The following GPC5 variants were observed in gnomAD, a reference collection of about 807,000 sequenced individuals.
The protein encoded by GPC5 is glypican 5.
Under a neutral mutation model 53.9 loss-of-function variants are expected in GPC5, and 47 were observed. The observed-to-expected ratio is 0.87, with a 90% CI of 0.69 to 1.11. The LOEUF is 1.11. Among genes scored for constraint, GPC5 ranks in the 50% most tolerant of loss-of-function variants. The pLI, the probability that GPC5 is intolerant of heterozygous loss-of-function variation, is 0.00. For synonymous variants in GPC5, 286 were observed against 263.3 expected, an observed-to-expected ratio of 1.09 and a Z score of -0.84; for missense variants, 748 against 713.1, an observed-to-expected ratio of 1.05 and a Z score of -0.56.
chr13:91,669,254 C>A (rs1381524289), intron 2 of GPC5, among the ~76,000 whole-genome samples: 1 of 152,142 alleles, frequency 6.6e-6, no homozygotes, highest in African/African-American at 2.4e-5. Flanking sequence ...GAGCACACTG[C>A]AAACAAGAGT....
chr13:91,916,914 A>G (rs922205053), intron 6 of GPC5, among the ~76,000 whole-genome samples: 16 of 152,152 alleles, frequency 1.1e-4, no homozygotes, highest in African/African-American at 3.4e-4. Flanking sequence ...GGGAATTATA[A>G]TTCAAGATGA....
At chr13:92,758,548 C>T (rs1370351208) in intron 7 of GPC5, among the ~76,000 whole-genome samples, 2 of 151,800 alleles carry the variant, frequency 1.3e-5, no homozygotes, top group Admixed American at 6.6e-5. Context: ...TATCATGGGC[C>T]GAAAATTATG....
chr13:92,627,892 A>G (rs1365737952), intron 7 of GPC5, among the ~76,000 whole-genome samples: 1 of 152,158 alleles, frequency 6.6e-6, no homozygotes, highest in African/African-American at 2.4e-5. Context: ...ACACCAACGA[A>G]TGAATTGTAG....
chr13:92,611,324 C>A (rs1884429286), intron 7 of GPC5, among the ~76,000 whole-genome samples: 1 of 152,068 alleles, frequency 6.6e-6, no homozygotes, highest in Admixed American at 6.6e-5. Flanking sequence ...AATCCCAGGA[C>A]CGGATGACTC....
chr13:92,491,868 C>T (rs1879774908), intron 7 of GPC5, among the ~76,000 whole-genome samples: 1 of 152,112 alleles, frequency 6.6e-6, no homozygotes, highest in African/African-American at 2.4e-5. Context: ...TATTTGCCCT[C>T]AGTTTTCTTC....
At chr13:92,061,001 A>C (rs911477756) in intron 6 of GPC5, among the ~76,000 whole-genome samples, 5 of 152,048 alleles carry the variant, frequency 3.3e-5, no homozygotes, top group Admixed American at 2.0e-4. Context: ...CAATGACTGC[A>C]AAACATTAAA....
chr13:92,805,774 G>T (rs1877075894), intron 7 of GPC5, among the ~76,000 whole-genome samples: 1 of 151,858 alleles, frequency 6.6e-6, no homozygotes, highest in African/African-American at 2.4e-5. Flanking sequence ...TCTTAATAGG[G>T]GGCTTAAAAT....
chr13:91,538,843 C>T (rs1594225640), intron 2 of GPC5, among the ~76,000 whole-genome samples: 1 of 151,718 alleles, frequency 6.6e-6, no homozygotes. Flanking sequence ...CCCCCCTCAG[C>T]CTCCCAAAGT....
intron 6 of GPC5, among the ~76,000 whole-genome samples, chr13:92,055,696 A>G (rs2041068866): frequency 6.6e-6 from 1 of 152,222 alleles, no homozygotes. Flanking sequence ...TATAAACTAA[A>G]CACCTTGCAT....
intron 7 of GPC5, among the ~76,000 whole-genome samples, chr13:92,646,858 A>G (rs577463879): frequency 4.6e-4 from 47 of 102,428 alleles, no homozygotes; most frequent in African/African-American, 1.2e-3. Context: ...ATATATATGT[A>G]AACATATACA....
At chr13:91,428,465 T>C (rs1879210897) in intron 1 of GPC5, among the ~76,000 whole-genome samples, 1 of 152,204 alleles carries the variant, frequency 6.6e-6, no homozygotes, top group African/African-American at 2.4e-5. Context: ...GAACTGAGGC[T>C]TGGTCTTGGA....
intron 7 of GPC5, among the ~76,000 whole-genome samples, chr13:92,334,551 C>G (rs2043309556): frequency 6.6e-6 from 1 of 152,134 alleles, no homozygotes; most frequent in Non-Finnish European, 1.5e-5. Context: ...CCAACAGTCC[C>G]TCAGAGTCTT....
chr13:91,649,648 C>T (rs16946394), intron 2 of GPC5, among the ~76,000 whole-genome samples: 9,878 of 152,186 alleles, frequency 0.065, 1,079 homozygotes, highest in African/African-American at 0.22. Context: ...CAGCATGTTA[C>T]GATGCAGAGA....
At chr13:92,698,465 C>T (rs1401394346) in intron 7 of GPC5, among the ~76,000 whole-genome samples, 2 of 152,086 alleles carry the variant, frequency 1.3e-5, no homozygotes, top group African/African-American at 4.8e-5. Flanking sequence ...TGGTTTCCAG[C>T]TTCATCCATG....
chr13:92,369,882 C>T (rs1251584067), intron 7 of GPC5, among the ~76,000 whole-genome samples: 4 of 152,172 alleles, frequency 2.6e-5, no homozygotes, highest in Non-Finnish European at 5.9e-5. Context: ...TAAATGTTAA[C>T]TCTACAATTC....
intron 2 of GPC5, among the ~76,000 whole-genome samples, chr13:91,504,413 T>G (rs543102885): frequency 6.6e-6 from 1 of 152,218 alleles, no homozygotes; most frequent in Non-Finnish European, 1.5e-5. Flanking sequence ...ATATTTTGGA[T>G]AAATATATTG....
At chr13:92,469,042 T>A (rs1199048363) in intron 7 of GPC5, among the ~76,000 whole-genome samples, 1 of 152,144 alleles carries the variant, frequency 6.6e-6, no homozygotes, top group East Asian at 1.9e-4. Flanking sequence ...TGTCTTATAT[T>A]TATTTTTTGT....
At chr13:91,422,519 C>T (rs761780954) in intron 1 of GPC5, among the ~76,000 whole-genome samples, 1 of 152,054 alleles carries the variant, frequency 6.6e-6, no homozygotes, top group Non-Finnish European at 1.5e-5. Flanking sequence ...GCCTGTAATC[C>T]CAGCTATTCT....
chr13:92,535,392 G>T lies in GPC5; in HGVS notation c.1562-330890G>T, dbSNP rs147062817. ...GCCAGGGAAGAGGCTTTCATCAGGC[G>T]CCGCAACCCAGGAGACTGGAGCTCA... On this transcript the variant is annotated intron_variant, in intron 7 of 7. Coordinates refer to ENST00000377067, the MANE Select transcript of GPC5 (RefSeq NM_004466.6). 2.5e-3 allele frequency among the ~76,000 whole-genome samples: 376 copies of T among 152,148 alleles called. 1 individual carries two copies. Among genetic ancestry groups the T allele is most frequent in the African/African-American group, 8.3e-3 (345 of 41,522 alleles).
Sources: gnomAD v4.1 joint callset for allele counts (sites outside exome capture counted in the v4.1 genomes callset) on GRCh38, gnomAD v4.1.1 for gene constraint, MANE v1.5 for transcripts, NCBI Gene and HGNC (gene_info 2026-07-23, HGNC 2026-07-21) for gene names.